SLC25A21: variants seen among roughly 807,000 people sequenced by gnomAD.
SLC25A21 encodes mitochondrial 2-oxodicarboxylate carrier.
A neutral mutation model predicts 43.8 loss-of-function variants in SLC25A21; 47 were observed. That is an observed-to-expected ratio of 1.07 (90% CI 0.85 to 1.37). The LOEUF is 1.37. SLC25A21 is among the 40% of genes most tolerant of loss of function. The pLI is 0.00. For missense variants in SLC25A21, 352 were observed against 350.2 expected (o/e 1.00, Z -0.04); for synonymous variants, 131 against 121.3 (o/e 1.08, Z -0.52).
intron 3 of SLC25A21, among the ~76,000 whole-genome samples, chr14:36,749,827 C>G (rs1021354303): frequency 6.6e-6 from 1 of 152,324 alleles, no homozygotes; most frequent in Non-Finnish European, 1.5e-5. Flanking sequence ...CCCCTTTATT[C>G]TATTTAATGT....
intron 2 of SLC25A21, among the ~76,000 whole-genome samples, chr14:36,835,917 A>C (rs115094637): frequency 2.0e-5 from 3 of 152,100 alleles, no homozygotes; most frequent in African/African-American, 7.2e-5. Context: ...TCCTTCAAAT[A>C]TGGTACCCAG....
At chr14:36,814,737 C>T (rs1888395129) in intron 2 of SLC25A21, among the ~76,000 whole-genome samples, 1 of 152,160 alleles carries the variant, frequency 6.6e-6, no homozygotes, top group South Asian at 2.1e-4. Flanking sequence ...TAAATTAGTT[C>T]AACCATTGTG....
chr14:36,734,448 T>C, intron 4 of SLC25A21, 59 bp downstream of exon 4: 5 of 1,287,918 alleles, frequency 3.9e-6, no homozygotes, highest in Non-Finnish European at 4.4e-6. Context: ...AAGAGTTTGT[T>C]GTGCTGAAGC....
chr14:37,170,528 C>G (rs1353488223), intron 1 of SLC25A21, among the ~76,000 whole-genome samples: 1 of 152,072 alleles, frequency 6.6e-6, no homozygotes, highest in Non-Finnish European at 1.5e-5. Context: ...GAGTCAGGTA[C>G]AGAAGACAGA....
intron 1 of SLC25A21, among the ~76,000 whole-genome samples, chr14:37,164,509 C>T (rs986868878): frequency 5.3e-5 from 8 of 152,170 alleles, no homozygotes; most frequent in South Asian, 2.1e-4. Context: ...CCAAATCACA[C>T]GTGCATCCCC....
intron 1 of SLC25A21, among the ~76,000 whole-genome samples, chr14:36,965,268 A>T (rs1317363758): frequency 1.3e-5 from 2 of 152,314 alleles, no homozygotes; most frequent in African/African-American, 4.8e-5. Flanking sequence ...GACTTTCCAC[A>T]TAAAAATAAT....
chr14:37,044,242 TTAA>T (rs994101986), intron 1 of SLC25A21, among the ~76,000 whole-genome samples: 34 of 152,294 alleles, frequency 2.2e-4, no homozygotes, highest in African/African-American at 7.9e-4. Flanking sequence ...CATTTTGTTA[TTAA>T]TAATATTTTT....
intron 1 of SLC25A21, among the ~76,000 whole-genome samples, chr14:37,010,636 A>G (rs1236943317): frequency 1.3e-5 from 2 of 152,182 alleles, no homozygotes; most frequent in Non-Finnish European, 2.9e-5. Flanking sequence ...AGTGAGCAAG[A>G]GGCCTTCCAG....
chr14:36,955,830 C>A (rs1959326142), intron 1 of SLC25A21, among the ~76,000 whole-genome samples: 1 of 152,026 alleles, frequency 6.6e-6, no homozygotes, highest in Non-Finnish European at 1.5e-5. Flanking sequence ...GGAGGTGGGA[C>A]ATAGAAAACA....
intron 1 of SLC25A21, among the ~76,000 whole-genome samples, chr14:37,089,190 G>A (rs547183294): frequency 6.6e-6 from 1 of 151,830 alleles, no homozygotes; most frequent in Non-Finnish European, 1.5e-5. Flanking sequence ...CTCCAATGAG[G>A]ATTAAAAGGT....
chr14:36,906,546 G>A (rs934067052), intron 1 of SLC25A21, among the ~76,000 whole-genome samples: 23 of 150,476 alleles, frequency 1.5e-4, no homozygotes, highest in South Asian at 1.3e-3. Flanking sequence ...TCACTCTGTC[G>A]CCAGGCTAGA....
At chr14:37,077,078 ATC>A (rs1210089504) in intron 1 of SLC25A21, among the ~76,000 whole-genome samples, 1 of 152,254 alleles carries the variant, frequency 6.6e-6, no homozygotes, top group Non-Finnish European at 1.5e-5. Context: ...TCAAATAGAT[ATC>A]TGAGTAACTC....
chr14:36,828,156 G>T (rs1196791804), intron 2 of SLC25A21, among the ~76,000 whole-genome samples: 2 of 151,268 alleles, frequency 1.3e-5, no homozygotes, highest in African/African-American at 2.4e-5. Context: ...CTGAGGCATG[G>T]AAATCCATGA....
At chr14:37,155,627 C>T (rs1963834829) in intron 1 of SLC25A21, among the ~76,000 whole-genome samples, 1 of 152,126 alleles carries the variant, frequency 6.6e-6, no homozygotes, top group African/African-American at 2.4e-5. Flanking sequence ...AAGAGAATGG[C>T]ATGATATAGT....
intron 1 of SLC25A21, among the ~76,000 whole-genome samples, chr14:37,164,734 C>T (rs187149190): frequency 6.6e-5 from 10 of 152,186 alleles, no homozygotes; most frequent in Middle Eastern, 3.4e-3. Context: ...AATTTGAAAA[C>T]ATCCTATATC....
chr14:36,679,840 C>T lies in SLC25A21; in HGVS notation c.*818G>A, dbSNP rs569094244. 2.0e-6 allele frequency: 2 copies of T among 984,448 alleles called. No individual in the cohort carries two copies. The highest frequency in any genetic ancestry group is 4.7e-5 in the South Asian group (1 of 21,256). The allele number at this position is 984,448 out of a possible 1,614,324, so 61.0% of individuals were successfully genotyped here. On this transcript the variant is annotated 3_prime_UTR_variant, in exon 10 of 10. Coordinates refer to ENST00000331299, the MANE Select transcript of SLC25A21 (RefSeq NM_030631.4). Reference sequence around the variant, plus strand: ...TTTGTGATTTAACATGACAATATCTCATCAACAAAACTTATCTTCAAAGAG... The same window carrying T: ...TTTGTGATTTAACATGACAATATCTTATCAACAAAACTTATCTTCAAAGAG...
chr14:36,840,424 C>T (rs769974481), intron 2 of SLC25A21, among the ~76,000 whole-genome samples: 25 of 152,110 alleles, frequency 1.6e-4, no homozygotes, highest in Admixed American at 1.3e-4. Context: ...TATTCCTAGT[C>T]GGAATTATCT....
intron 1 of SLC25A21, among the ~76,000 whole-genome samples, chr14:37,074,771 G>A (rs552997185): frequency 7.9e-5 from 12 of 152,142 alleles, no homozygotes; most frequent in African/African-American, 2.4e-4. Flanking sequence ...AGGCAGAGCC[G>A]AGATCGCGCC....
At chr14:37,012,687 C>A (rs369934224) in intron 1 of SLC25A21, among the ~76,000 whole-genome samples, 4 of 152,182 alleles carry the variant, frequency 2.6e-5, no homozygotes, top group Admixed American at 1.3e-4. Context: ...TCTGAATGTG[C>A]GTGGTAAGCC....
Sources: gnomAD v4.1 joint callset for allele counts (sites outside exome capture counted in the v4.1 genomes callset) on GRCh38, gnomAD v4.1.1 for gene constraint, MANE v1.5 for transcripts, NCBI Gene and HGNC (gene_info 2026-07-23, HGNC 2026-07-21) for gene names.